The following BIRC6 variants were observed in gnomAD, a reference collection of about 807,000 sequenced individuals.
The protein encoded by BIRC6 is dual E2 ubiquitin-conjugating enzyme/E3 ubiquitin-protein ligase BIRC6.
A neutral mutation model predicts 503.3 loss-of-function variants in BIRC6; 98 were observed. That is an observed-to-expected ratio of 0.19 (90% CI 0.17 to 0.23). The LOEUF is 0.23. Ranked by LOEUF, BIRC6 falls within the 10% of genes least tolerant of loss-of-function variation. The pLI, the probability that BIRC6 is intolerant of heterozygous loss-of-function variation, is 1.00. For missense variants in BIRC6, 5,360 were observed against 5,806.0 expected, an observed-to-expected ratio of 0.92 and a Z score of 2.50; for synonymous variants, 2,240 against 2,078.7, an observed-to-expected ratio of 1.08 and a Z score of -2.11.
chr2:32,424,552 T>C (rs985705819), intron 10 of BIRC6, among the ~76,000 whole-genome samples: 2 of 152,052 alleles, frequency 1.3e-5, no homozygotes, highest in Non-Finnish European at 1.5e-5. Flanking sequence ...TTCACGCTTG[T>C]TGCCCAGGCT....
At chr2:32,597,428 C>A (rs1176717510) in intron 68 of BIRC6, among the ~76,000 whole-genome samples, 2 of 152,094 alleles carry the variant, frequency 1.3e-5, no homozygotes, top group Non-Finnish European at 2.9e-5. Context: ...AGTTAATAGA[C>A]CCTGTCCTCT....
rs571540908 is a variant in BIRC6, at chr2:32,558,223, ATTCTGC to A, written c.13144+8743_13144+8748del. On this transcript the variant is annotated intron_variant, in intron 65 of 73. Transcript: ENST00000421745. ...AATATAATGAAAATGTAGAAGTTAGATTCTGCCATTTACGTATTCTGTATTTACTTA... is the reference window on the plus strand; with the variant it reads ...AATATAATGAAAATGTAGAAGTTAGACATTTACGTATTCTGTATTTACTTA... Among the ~76,000 whole-genome samples the A allele has an allele frequency of 1.7e-3, 266 of 152,286 alleles. 1 individual carries two copies. The highest frequency in any genetic ancestry group is 6.0e-3 in the African/African-American group (249 of 41,584).
intron 6 of BIRC6, among the ~76,000 whole-genome samples, chr2:32,399,615 T>C (rs2040378895): frequency 6.6e-6 from 1 of 152,030 alleles, no homozygotes; most frequent in Non-Finnish European, 1.5e-5. Flanking sequence ...TAATTATAGC[T>C]AATAGAAATA....
intron 73 of BIRC6, among the ~76,000 whole-genome samples, chr2:32,614,543 A>G (rs546459941): frequency 2.0e-5 from 3 of 152,286 alleles, no homozygotes; most frequent in South Asian, 2.1e-4. Context: ...AAAATACACA[A>G]TTGGCCAGGC....
intron 8 of BIRC6, among the ~76,000 whole-genome samples, chr2:32,401,896 C>T (rs1236081539): frequency 2.6e-5 from 4 of 152,144 alleles, no homozygotes; most frequent in Non-Finnish European, 2.9e-5. Context: ...GATGAAAAGT[C>T]AACATTGGAA....
chr2:32,470,147 T>TTTTG, intron 30 of BIRC6, 21 bp from the exon 31 acceptor site: 1 of 1,465,302 alleles, frequency 6.8e-7, no homozygotes, highest in Non-Finnish European at 9.0e-7. Flanking sequence ...TTCTTTTCTT[T>TTTTG]TTTGTTTGTT....
At chr2:32,467,126 A>C (rs1481457118) in intron 26 of BIRC6, among the ~76,000 whole-genome samples, 2 of 152,032 alleles carry the variant, frequency 1.3e-5, no homozygotes, top group South Asian at 2.1e-4. Context: ...CTCAAAAAAA[A>C]AAAAAAAAAA....
chr2:32,374,852 G>A (rs924053910), intron 1 of BIRC6, among the ~76,000 whole-genome samples: 2 of 152,114 alleles, frequency 1.3e-5, no homozygotes, highest in African/African-American at 4.8e-5. Context: ...CGATCCTTCC[G>A]TGTAGGCCTC....
Position 32,429,310 on chromosome 2 carries a change from T to G in BIRC6, c.3022+15T>G. ...TGGCATTTCAGGTATGATATTAAAT[T>G]TTTAAATGATTTTAAAAAAAGAATA... On this transcript the variant is annotated intron_variant, in intron 11 of 73. Coordinates refer to ENST00000421745, the MANE Select transcript of BIRC6 (RefSeq NM_016252.4). The G allele has an allele frequency of 4.8e-6, 7 of 1,450,700 alleles. No homozygotes were observed. Among genetic ancestry groups the G allele is most frequent in the Non-Finnish European group, 5.5e-6 (6 of 1,094,168 alleles). 89.9% of individuals were successfully genotyped at this position (1,450,700 alleles called of 1,614,324 possible). A position where few individuals can be genotyped will look rare whatever the true frequency, so the allele number is the denominator to read the frequency against.
At chr2:32,439,482 T>A (rs779662493) in intron 15 of BIRC6, 26 bp from the exon 16 acceptor site, 1 of 1,592,246 alleles carries the variant, frequency 6.3e-7, no homozygotes, top group Non-Finnish European at 8.6e-7. Flanking sequence ...TTCAGTTATT[T>A]TCCCCATTCT....
In BIRC6 at chr2:32,597,911, G is replaced by A. The variant is rs780242154; in HGVS notation, c.13773G>A (p.Leu4591=). The change falls in exon 69 of 74, where the codon CTG becomes CTA. Residue 4591 remains leucine, a synonymous_variant. Coordinates refer to ENST00000421745, the MANE Select transcript of BIRC6 (RefSeq NM_016252.4). ...TGACGCTTTCAACCTCACTGCCTCT[G>A]TCTTCATCCTCTAGTGTGTTTGTAC... ...EAVTLSTSLP[L]SSSSSVFVRC... 6 of 1,613,700 alleles carry A rather than the reference G, an allele frequency of 3.7e-6. No individual in the cohort carries two copies. The highest frequency in any genetic ancestry group is 5.1e-6 in the Non-Finnish European group (6 of 1,179,890).
In BIRC6 at chr2:32,503,485, G is replaced by A. The variant is rs1242652128; in HGVS notation, c.9499+249G>A. On this transcript the variant is annotated intron_variant, in intron 49 of 73. Transcript: ENST00000421745. ...ATTGCCCAAGCAGGAGTGCAATGGC[G>A]TGATCTCAGCTCACTGCAACCTCTG... Among the ~76,000 whole-genome samples the A allele has an allele frequency of 2.6e-5, 4 of 152,250 alleles. No individual in the cohort carries two copies. The East Asian group carries it at 5.8e-4, about 22-fold the overall frequency.
At chr2:32,432,773 A>G (rs920308248) in intron 12 of BIRC6, among the ~76,000 whole-genome samples, 1 of 151,940 alleles carries the variant, frequency 6.6e-6, no homozygotes, top group Non-Finnish European at 1.5e-5. Flanking sequence ...AAAAAAAAAA[A>G]AAAACTTTCA....
intron 23 of BIRC6, among the ~76,000 whole-genome samples, chr2:32,455,897 A>G (rs1242281329): frequency 6.6e-6 from 1 of 152,222 alleles, no homozygotes. Context: ...ATGTTGAGGC[A>G]AAGTGCTGAC....
intron 10 of BIRC6, among the ~76,000 whole-genome samples, chr2:32,423,181 T>C (rs542699493): frequency 2.4e-4 from 37 of 152,304 alleles, no homozygotes; most frequent in Admixed American, 2.2e-3. Context: ...CCGCCCGCCT[T>C]GGCCTCCCAA....
chr2:32,433,546 T>G, intron 12 of BIRC6, 98 bp from the exon 13 acceptor site: 1 of 1,122,792 alleles, frequency 8.9e-7, no homozygotes, highest in Non-Finnish European at 1.2e-6. Flanking sequence ...TGTTGGAAGC[T>G]GCAAAGCAAA....
rs141984083 is a variant in BIRC6, at chr2:32,515,629, C to G, written c.11208C>G (p.Thr3736=). The change falls in exon 55 of 74, where the codon ACC becomes ACG. Residue 3736 remains threonine (T), a synonymous_variant. Transcript: ENST00000421745. ...SGSHNLGAQQ[T]SARSASLSSA... is the part of the protein sequence containing the mutation. ...GCCATAATTTAGGTGCACAACAGAC[C>G]AGTGCAAGATCAGCTTCTCTTTCTT... is the stretch of plus-strand genomic sequence containing the variant. The G allele has an allele frequency of 1.5e-5, 25 of 1,613,040 alleles. No individual in the cohort carries two copies. In the African/African-American group the frequency reaches 3.3e-4, roughly 21 times the overall value.
chr2:32,406,626 A>G, intron 9 of BIRC6, 69 bp downstream of exon 9: 1 of 1,055,690 alleles, frequency 9.5e-7, no homozygotes, highest in East Asian at 2.5e-5. Context: ...GCTAACTACC[A>G]CTTAATTCTG....
intron 45 of BIRC6, 25 bp downstream of exon 45, chr2:32,493,692 TC>T: frequency 6.5e-7 from 1 of 1,546,762 alleles, no homozygotes; most frequent in Non-Finnish European, 8.8e-7. Flanking sequence ...ACTAATTTGT[TC>T]CTGATATAGA....
Sources: allele counts gnomAD v4.1 joint callset (sites outside exome capture counted in the v4.1 genomes callset), GRCh38; gene constraint gnomAD v4.1.1; transcripts MANE v1.5; gene names NCBI Gene and HGNC (gene_info 2026-07-23, HGNC 2026-07-21).